The following GAD2 variants were observed in gnomAD, a reference collection of about 807,000 sequenced individuals.
GAD2 encodes the protein glutamate decarboxylase 2.
In GAD2, 22 loss-of-function variants were observed where a neutral mutation model predicts 80.1. The observed-to-expected ratio is 0.27, with a 90% confidence interval of 0.20 to 0.39. The LOEUF (loss-of-function observed/expected upper bound fraction) is 0.39, where lower values mean the gene tolerates loss of function less well. Among genes scored for constraint, GAD2 ranks in the 10% least tolerant of loss-of-function variants. GAD2 has a pLI of 1.00. For missense variants in GAD2, 624 were observed against 738.4 expected, an observed-to-expected ratio of 0.85 and a Z score of 1.80; for synonymous variants, 274 against 256.9, an observed-to-expected ratio of 1.07 and a Z score of -0.64.
Position 26,217,582 on chromosome 10 carries a change from C to T in GAD2, c.77-28C>T. On this transcript the variant is annotated intron_variant, in intron 1 of 15. Transcript: ENST00000376261. This position sits in a 1 kb window ranked among gnomAD's most constrained non-coding sequence, Gnocchi z 4.9. The stretch of plus-strand genomic sequence containing the variant: ...CGTCTGTTGTTCTCTTTCTGCCTCG[C>T]TGTCTGCCTGCCTATTCTTCCTTGC... 1 of 1,602,380 alleles carries T rather than the reference C, an allele frequency of 6.2e-7. No individual in the cohort carries two copies. Among genetic ancestry groups the T allele is most frequent in the Non-Finnish European group, 8.5e-7 (1 of 1,173,346 alleles).
At chr10:26,219,435 TCC>T in intron 4 of GAD2, 159 bp downstream of exon 4, 1 of 559,338 alleles carries the variant, frequency 1.8e-6, no homozygotes, top group Non-Finnish European at 3.1e-6. Context: ...ATGATTCTAA[TCC>T]AAAGCACCTT....
intron 3 of GAD2, among the ~76,000 whole-genome samples, chr10:26,218,551 T>TCTCACACACACA (rs748110324): frequency 0.16 from 19,321 of 118,658 alleles, 2,129 homozygotes; most frequent in Non-Finnish European, 0.22. Flanking sequence ...TCTCTCTCTC[T>TCTCACACACACA]CACACACACA....
Position 26,301,246 on chromosome 10 carries a change from G to A in GAD2, c.*285G>A. ...CCTTACTTTTAATATAGTGTGCAAA[G>A]CAAACTTTATTTTCACTTCAGACTA... is the stretch of plus-strand genomic sequence containing the variant. On this transcript the variant is annotated 3_prime_UTR_variant, in exon 16 of 16. Coordinates refer to ENST00000376261, the MANE Select transcript of GAD2 (RefSeq NM_001134366.2). 1.1e-5 allele frequency: 3 copies of A among 278,546 alleles called. No homozygotes were observed. The South Asian group carries it at 1.7e-4, about 16-fold the overall frequency. The allele number at this position is 278,546 out of a possible 1,614,324, so 17.3% of individuals were successfully genotyped here.
At chr10:26,256,257 T>C (rs114969589) in intron 8 of GAD2, among the ~76,000 whole-genome samples, 4 of 151,766 alleles carry the variant, frequency 2.6e-5, no homozygotes, top group Non-Finnish European at 5.9e-5. Context: ...ATTATATATA[T>C]ATATAGAGAG....
chr10:26,222,178 G>A (rs1844460853), intron 4 of GAD2, among the ~76,000 whole-genome samples: 1 of 152,174 alleles, frequency 6.6e-6, no homozygotes, highest in Non-Finnish European at 1.5e-5. Context: ...ACCTAGCAAT[G>A]AAAGCGTCAA....
chr10:26,246,150 T>C, intron 8 of GAD2, 150 bp downstream of exon 8: 1 of 624,836 alleles, frequency 1.6e-6, no homozygotes, highest in South Asian at 2.0e-5. Flanking sequence ...TAACATGGGC[T>C]CCTGCTTCTG....
At chr10:26,273,139 C>T (rs963808563) in intron 10 of GAD2, among the ~76,000 whole-genome samples, 3 of 152,218 alleles carry the variant, frequency 2.0e-5, no homozygotes, top group Non-Finnish European at 4.4e-5. Flanking sequence ...TGAATCTTCC[C>T]TGCTTGTGAA....
intron 11 of GAD2, among the ~76,000 whole-genome samples, chr10:26,274,802 C>T (rs1399860618): frequency 6.6e-6 from 1 of 152,142 alleles, no homozygotes; most frequent in African/African-American, 2.4e-5. Context: ...TCAAGAGCAT[C>T]CCACCAAATT....
chr10:26,280,967 C>A, intron 11 of GAD2, 42 bp from the exon 12 acceptor site: 2 of 1,423,818 alleles, frequency 1.4e-6, no homozygotes, highest in South Asian at 1.1e-5. Context: ...CTGAGCCTGT[C>A]AGGGTGGAGT....
At chr10:26,300,668 G>C (rs749712237) in intron 15 of GAD2, 120 bp from the exon 16 acceptor site, 15 of 858,930 alleles carry the variant, frequency 1.7e-5, no homozygotes, top group African/African-American at 6.7e-5. Context: ...TCTTTCAAGA[G>C]AAAACAATAA....
intron 7 of GAD2, among the ~76,000 whole-genome samples, chr10:26,245,600 G>T (rs1279410230): frequency 6.6e-6 from 1 of 151,280 alleles, no homozygotes; most frequent in Admixed American, 6.6e-5. Flanking sequence ...ACCACACCCG[G>T]CTAATTTTTT....
rs1024551730 is a variant in GAD2 at position 26,302,246 on chromosome 10, A to G, written c.*1285A>G. The G allele has an allele frequency of 6.6e-6, 1 of 152,128 alleles. No individual in the cohort carries two copies. Among genetic ancestry groups the G allele is most frequent in the African/African-American group, 2.4e-5 (1 of 41,422 alleles). The allele number at this position is 152,128 out of a possible 1,614,324, so 9.4% of individuals were successfully genotyped here. ...CACTGGGACCCAAAATAGTTACTTT[A>G]TATTCCATGGGTGGTTGTTTTTCTT... is the stretch of plus-strand genomic sequence containing the variant. On this transcript the variant is annotated 3_prime_UTR_variant, in exon 16 of 16. Transcript: ENST00000376261.
intron 7 of GAD2, 63 bp downstream of exon 7, chr10:26,229,840 G>A: frequency 8.1e-7 from 1 of 1,238,900 alleles, no homozygotes; most frequent in Non-Finnish European, 1.2e-6. Context: ...TTTAAGGAGT[G>A]ATGGCTGGAA....
intron 8 of GAD2, among the ~76,000 whole-genome samples, chr10:26,255,168 G>C (rs1396456152): frequency 6.6e-6 from 1 of 152,224 alleles, no homozygotes; most frequent in Non-Finnish European, 1.5e-5. Flanking sequence ...AAAGGAGATT[G>C]AGGAGGAGCA....
chr10:26,229,855 A>C, intron 7 of GAD2, 78 bp downstream of exon 7: 1 of 1,067,278 alleles, frequency 9.4e-7, no homozygotes, highest in South Asian at 1.4e-5. Context: ...CTGGAAATGC[A>C]TTATCCCCAG....
chr10:26,223,423 C>T (rs1024157276), intron 4 of GAD2, among the ~76,000 whole-genome samples: 6 of 152,248 alleles, frequency 3.9e-5, no homozygotes, highest in African/African-American at 1.4e-4. Context: ...TGGCGGATGT[C>T]ATGGTATGAC....
At chr10:26,218,892 C>A in intron 3 of GAD2, 151 bp from the exon 4 acceptor site, 1 of 534,054 alleles carries the variant, frequency 1.9e-6, no homozygotes, top group South Asian at 3.7e-5. Flanking sequence ...TGAAAAATGT[C>A]TCCCTTTTAA....
Position 26,245,910 on chromosome 10 carries a change from T to A in GAD2, c.841-11T>A, listed in dbSNP as rs199766639. The A allele has an allele frequency of 2.0e-4, 319 of 1,604,306 alleles. No homozygotes were observed. Among genetic ancestry groups the A allele is most frequent in the East Asian group, 2.7e-4 (12 of 44,776 alleles). Reference sequence around the variant, plus strand: ...TGGAACTAATTGCAAATATATATATTTTTTTTACAGAGTCATTTTTCTCTC... The same window carrying A: ...TGGAACTAATTGCAAATATATATATATTTTTTACAGAGTCATTTTTCTCTC... On this transcript the variant is annotated splice_polypyrimidine_tract_variant and intron_variant, in intron 7 of 15. Transcript: ENST00000376261.
rs1189058925 is a variant in GAD2, at chr10:26,245,972, A to G, written c.892A>G (p.Ser298Gly). 6.2e-7 allele frequency: 1 copy of G among 1,614,208 alleles called. No homozygotes were observed. Residue 298 changes from serine (S) to glycine (G), a missense_variant, in exon 8 of 16, where the codon AGC becomes GGC. Physicochemically the swap from Ser to Gly is moderately conservative, Grantham distance 56. Coordinates refer to ENST00000376261, the MANE Select transcript of GAD2 (RefSeq NM_001134366.2). ...GAAALGIGTD[S>G]VILIKCDERG... ...TGCAGCCTTAGGGATTGGAACAGAC[A>G]GCGTGATTCTGATTAAATGTGATGA...
Sources: gnomAD v4.1 joint callset for allele counts (sites outside exome capture counted in the v4.1 genomes callset) on GRCh38, gnomAD v4.1.1 for gene constraint, Gnocchi (gnomAD v3.1) non-coding constraint, MANE v1.5 for transcripts, NCBI Gene and HGNC (gene_info 2026-07-23, HGNC 2026-07-21) for gene names.